Variants in LDB2 observed in about 807,000 individuals in gnomAD.
LDB2 encodes the protein LIM domain-binding protein 2.
In LDB2, 12 loss-of-function variants were observed where a neutral mutation model predicts 44.3. The ratio of observed to expected loss-of-function variants is 0.27; its 90% CI spans 0.17 to 0.44. The LOEUF (loss-of-function observed/expected upper bound fraction) is 0.44, where lower values mean the gene tolerates loss of function less well. Ranked by LOEUF, LDB2 falls within the 20% of genes least tolerant of loss-of-function variation. LDB2 has a pLI of 1.00. For missense variants in LDB2, 344 were observed against 473.5 expected (o/e 0.73, Z 2.54); for synonymous variants, 164 against 174.8 (o/e 0.94, Z 0.49).
intron 2 of LDB2, among the ~76,000 whole-genome samples, chr4:16,743,272 AGAGT>A (rs1330065909): frequency 6.6e-6 from 1 of 152,160 alleles, no homozygotes; most frequent in African/African-American, 2.4e-5. Flanking sequence ...CCTGGGTGAT[AGAGT>A]GAGACTTCAT....
chr4:16,580,496 T>G (rs953018815), intron 5 of LDB2, among the ~76,000 whole-genome samples: 1 of 152,226 alleles, frequency 6.6e-6, no homozygotes, highest in South Asian at 2.1e-4. Context: ...TAACAGTATC[T>G]TAAATTCCTT....
At chr4:16,820,013 T>C (rs1299039087) in intron 1 of LDB2, among the ~76,000 whole-genome samples, 1 of 152,222 alleles carries the variant, frequency 6.6e-6, no homozygotes, top group Non-Finnish European at 1.5e-5. Context: ...ACAAGCATGA[T>C]ATATTTTTTG....
In LDB2 at chr4:16,588,838, A is replaced by G; in HGVS notation, c.409-6T>C. 1 of 1,612,740 alleles carries G rather than the reference A, an allele frequency of 6.2e-7. No homozygotes were observed. The highest frequency in any genetic ancestry group is 1.1e-5 in the South Asian group (1 of 90,534). On this transcript the variant is annotated splice_polypyrimidine_tract_variant and splice_region_variant and intron_variant, in intron 3 of 7. Coordinates refer to ENST00000304523, the MANE Select transcript of LDB2 (RefSeq NM_001290.5). Reference sequence around the variant, plus strand: ...AGTCTGCCTTCTGTACATACCTGGAAGTGACAAACCACACAGTCATTCATT... The same window carrying G: ...AGTCTGCCTTCTGTACATACCTGGAGGTGACAAACCACACAGTCATTCATT...
intron 5 of LDB2, among the ~76,000 whole-genome samples, chr4:16,563,909 C>T (rs942627552): frequency 6.6e-6 from 1 of 152,126 alleles, no homozygotes; most frequent in African/African-American, 2.4e-5. Flanking sequence ...ATCTCCAGAT[C>T]AGACTCCACA....
intron 2 of LDB2, among the ~76,000 whole-genome samples, chr4:16,648,435 A>T (rs931908892): frequency 2.6e-5 from 4 of 152,246 alleles, no homozygotes; most frequent in African/African-American, 9.6e-5. Flanking sequence ...CATTGTGTAT[A>T]CATTTTCATC....
chr4:16,893,475 A>T (rs1195416665), intron 1 of LDB2, among the ~76,000 whole-genome samples: 2 of 152,070 alleles, frequency 1.3e-5, no homozygotes, highest in South Asian at 2.1e-4. Flanking sequence ...TAAAGTATAT[A>T]AAAATGTAGC....
At chr4:16,635,294 A>G (rs1733279159) in intron 2 of LDB2, among the ~76,000 whole-genome samples, 1 of 152,206 alleles carries the variant, frequency 6.6e-6, no homozygotes, top group East Asian at 1.9e-4. Context: ...GTATAAAAAA[A>G]AAAAATTGAG....
chr4:16,811,308 C>T (rs1779820202), intron 1 of LDB2, among the ~76,000 whole-genome samples: 1 of 152,084 alleles, frequency 6.6e-6, no homozygotes, highest in Non-Finnish European at 1.5e-5. Context: ...GTTAATTCAC[C>T]CAAAATACCA....
intron 1 of LDB2, among the ~76,000 whole-genome samples, chr4:16,810,862 C>T (rs994968873): frequency 7.9e-5 from 12 of 152,174 alleles, no homozygotes; most frequent in East Asian, 1.9e-4. Flanking sequence ...TCAGTCTACT[C>T]ATTCTTAGTG....
intron 1 of LDB2, among the ~76,000 whole-genome samples, chr4:16,789,645 T>C (rs963539925): frequency 3.3e-5 from 5 of 152,176 alleles, no homozygotes; most frequent in Non-Finnish European, 7.3e-5. Context: ...TAAAACCCTA[T>C]ATGGCCAGGT....
chr4:16,629,628 A>G (rs1454317224), intron 2 of LDB2, among the ~76,000 whole-genome samples: 1 of 152,058 alleles, frequency 6.6e-6, no homozygotes, highest in East Asian at 1.9e-4. Context: ...ATTGGTAATA[A>G]CAAATTTCTC....
intron 2 of LDB2, among the ~76,000 whole-genome samples, chr4:16,598,885 T>C (rs1209901586): frequency 6.6e-6 from 1 of 151,510 alleles, no homozygotes; most frequent in Non-Finnish European, 1.5e-5. Flanking sequence ...TTCTTTTTTT[T>C]TTTTTTTTAA....
intron 2 of LDB2, among the ~76,000 whole-genome samples, chr4:16,693,483 G>A (rs974969385): frequency 2.0e-5 from 3 of 151,770 alleles, no homozygotes; most frequent in South Asian, 2.1e-4. Context: ...AGCCTCCCGA[G>A]TAGCTGGGAC....
Position 16,739,732 on chromosome 4 carries a change from G to GTATATATATACATATATGTA in LDB2, c.235+19425_235+19426insTACATATATGTATATATATA, listed in dbSNP as rs1762836790. ...TATATATGTATATATACATATATGT[G>GTATATATATACATATATGTA]TATATACATACATATACATATATAT... On this transcript the variant is annotated intron_variant, in intron 2 of 7. Transcript: ENST00000304523. Among the ~76,000 whole-genome samples, 21 of 42,196 alleles carry GTATATATATACATATATGTA rather than the reference G, an allele frequency of 5.0e-4. 3 individuals carry two copies. Among genetic ancestry groups the GTATATATATACATATATGTA allele is most frequent in the African/African-American group, 1.9e-3 (21 of 11,086 alleles). 27.7% of individuals were successfully genotyped at this position (42,196 alleles called of 152,430 possible). A position where few individuals can be genotyped will look rare whatever the true frequency, so the allele number is the denominator to read the frequency against.
intron 5 of LDB2, among the ~76,000 whole-genome samples, chr4:16,546,966 G>A (rs940486845): frequency 2.0e-4 from 31 of 152,150 alleles, no homozygotes; most frequent in African/African-American, 7.2e-4. Flanking sequence ...GTCCATTGTG[G>A]TGGGTTGAAT....
At chr4:16,791,083 C>G (rs1775601575) in intron 1 of LDB2, among the ~76,000 whole-genome samples, 1 of 152,214 alleles carries the variant, frequency 6.6e-6, no homozygotes, top group African/African-American at 2.4e-5. Flanking sequence ...TTAGCTTTCT[C>G]TACTGATGCC....
intron 5 of LDB2, among the ~76,000 whole-genome samples, chr4:16,530,118 C>T (rs1729633506): frequency 6.6e-6 from 1 of 152,182 alleles, no homozygotes; most frequent in African/African-American, 2.4e-5. Flanking sequence ...TATCATAAGA[C>T]TCCTAATATT....
In LDB2 at chr4:16,764,339, T is replaced by C. The variant is rs566318779; in HGVS notation, c.133-5079A>G. 2.0e-5 allele frequency among the ~76,000 whole-genome samples: 3 copies of C among 152,176 alleles called. No individual in the cohort carries two copies. In the South Asian group the frequency reaches 6.2e-4, roughly 32 times the overall value. On this transcript the variant is annotated intron_variant, in intron 1 of 7. Coordinates refer to ENST00000304523, the MANE Select transcript of LDB2 (RefSeq NM_001290.5). ...CTGTTGTCTGGTGTAGTTCCTGGGA[T>C]CAGTTAGGCAATTTTGTAGAAGTAA...
chr4:16,675,484 A>T (rs978256870), intron 2 of LDB2, among the ~76,000 whole-genome samples: 1 of 152,158 alleles, frequency 6.6e-6, no homozygotes, highest in Non-Finnish European at 1.5e-5. Context: ...GAAAGAAAGA[A>T]ACAGAAAGAA....
Sources: allele counts gnomAD v4.1 joint callset (sites outside exome capture counted in the v4.1 genomes callset), GRCh38; gene constraint gnomAD v4.1.1; transcripts MANE v1.5; gene names NCBI Gene and HGNC (gene_info 2026-07-23, HGNC 2026-07-21).